EPB41L2: variants seen among roughly 807,000 people sequenced by gnomAD.
EPB41L2 encodes erythrocyte membrane protein band 4.1 like 2.
EPB41L2 carries 43 observed loss-of-function variants against 113.0 expected under a neutral mutation model. That is an observed-to-expected ratio of 0.38 (90% CI 0.30 to 0.49). The LOEUF (loss-of-function observed/expected upper bound fraction) is 0.49. Ranked by LOEUF, EPB41L2 falls within the 20% of genes least tolerant of loss-of-function variation. The pLI, the probability that EPB41L2 is intolerant of heterozygous loss-of-function variation, is 0.95. For synonymous variants in EPB41L2, 442 were observed against 436.7 expected, an observed-to-expected ratio of 1.01 and a Z score of -0.15; for missense variants, 1,147 against 1,223.4, an observed-to-expected ratio of 0.94 and a Z score of 0.93.
At chr6:131,004,575 G>C (rs927527420) in intron 1 of EPB41L2, among the ~76,000 whole-genome samples, 2 of 152,130 alleles carry the variant, frequency 1.3e-5, no homozygotes, top group East Asian at 3.8e-4. Flanking sequence ...AAGGAGTTCC[G>C]ACTAGCACAC....
At chr6:130,889,279 C>T (rs190366477) in intron 11 of EPB41L2, among the ~76,000 whole-genome samples, 1 of 152,012 alleles carries the variant, frequency 6.6e-6, no homozygotes, top group Admixed American at 6.5e-5. Context: ...AATATTCCTT[C>T]ACAAGGCATT....
chr6:130,966,708 G>A (rs1394635555), intron 1 of EPB41L2, among the ~76,000 whole-genome samples: 2 of 152,090 alleles, frequency 1.3e-5, no homozygotes, highest in African/African-American at 2.4e-5. Flanking sequence ...ACTTTACTAG[G>A]AGAACAATAT....
intron 1 of EPB41L2, among the ~76,000 whole-genome samples, chr6:130,981,723 A>T (rs944403449): frequency 5.3e-5 from 8 of 152,102 alleles, no homozygotes; most frequent in African/African-American, 1.9e-4. Context: ...TTCCCTACAA[A>T]CTGTTTAGTG....
chr6:130,880,640 C>T, intron 12 of EPB41L2: 1 of 462,320 alleles, frequency 2.2e-6, no homozygotes, highest in Non-Finnish European at 3.8e-6. Flanking sequence ...AATATTAAGC[C>T]TCTTTGGTCT....
intron 11 of EPB41L2, among the ~76,000 whole-genome samples, chr6:130,888,956 T>G (rs1791914594): frequency 6.6e-6 from 1 of 152,138 alleles, no homozygotes; most frequent in Non-Finnish European, 1.5e-5. Context: ...GTTTTCCAAG[T>G]TTTTCTTCTA....
In EPB41L2 at chr6:130,931,298, C is replaced by T. The variant is rs549857805; in HGVS notation, c.706-4589G>A. 4.8e-4 allele frequency among the ~76,000 whole-genome samples: 73 copies of T among 151,980 alleles called. No homozygotes were observed. In the South Asian group the frequency reaches 6.4e-3, roughly 13 times the overall value. On this transcript the variant is annotated intron_variant, in intron 3 of 19. Transcript: ENST00000337057. ...TCAACATATAAAAGGTTCTAACACG[C>T]ATTATTTTTTTAAATAGCTATAATA... is the stretch of plus-strand genomic sequence containing the variant.
At chr6:130,902,069 A>G (rs981809217) in intron 6 of EPB41L2, among the ~76,000 whole-genome samples, 1 of 152,178 alleles carries the variant, frequency 6.6e-6, no homozygotes, top group Non-Finnish European at 1.5e-5. Context: ...TCTTGGTAAC[A>G]TTTTAAAATG....
rs1775068561 is a variant in EPB41L2 at position 130,840,282 on chromosome 6, C to A, written c.*322G>T. On this transcript the variant is annotated 3_prime_UTR_variant, in exon 20 of 20. Coordinates refer to ENST00000337057, the MANE Select transcript of EPB41L2 (RefSeq NM_001431.4). ...TCACTGTCATTTGATCAAAGTGAGT[C>A]ATTAAAAGCAGGTAGTTGCACACAA... 6.6e-6 allele frequency: 1 copy of A among 152,496 alleles called. No individual in the cohort carries two copies. Among genetic ancestry groups the A allele is most frequent in the African/African-American group, 2.4e-5 (1 of 41,404 alleles). The allele number at this position is 152,496 out of a possible 1,614,324, so 9.4% of individuals were successfully genotyped here. A position where few individuals can be genotyped will look rare whatever the true frequency, so the allele number is the denominator to read the frequency against.
In EPB41L2 at chr6:130,915,884, G is replaced by A. The variant is rs146664104; in HGVS notation, c.811-7021C>T. Among the ~76,000 whole-genome samples the A allele has an allele frequency of 3.9e-3, 592 of 152,262 alleles. 2 individuals carry two copies. The highest frequency in any genetic ancestry group is 0.013 in the African/African-American group (551 of 41,546). ...CTCCTCCTTGCCTTCTGCCATGATTGTGAGGCCTCCCCAGCCATGTGGAAT... is the reference window on the plus strand; with the variant it reads ...CTCCTCCTTGCCTTCTGCCATGATTATGAGGCCTCCCCAGCCATGTGGAAT... On this transcript the variant is annotated intron_variant, in intron 4 of 19. Coordinates refer to ENST00000337057, the MANE Select transcript of EPB41L2 (RefSeq NM_001431.4).
At chr6:130,889,875 C>A (rs781168779) in intron 11 of EPB41L2, among the ~76,000 whole-genome samples, 10 of 151,996 alleles carry the variant, frequency 6.6e-5, no homozygotes, top group Admixed American at 5.2e-4. Flanking sequence ...AGAAGTGTTG[C>A]GGATTTCTAA....
At chr6:131,027,173 A>T (rs4895904) in intron 1 of EPB41L2, among the ~76,000 whole-genome samples, 42,772 of 152,118 alleles carry the variant, frequency 0.28, 7,110 homozygotes, top group Non-Finnish European at 0.37. Context: ...CTAAATATTT[A>T]AAAAGTTAAA....
chr6:130,890,726 A>C (rs987411275), intron 10 of EPB41L2, among the ~76,000 whole-genome samples: 1 of 152,186 alleles, frequency 6.6e-6, no homozygotes, highest in Non-Finnish European at 1.5e-5. Flanking sequence ...AGCTGTTCTC[A>C]GTATATCAAA....
At chr6:130,891,147 A>G (rs1792694437) in intron 10 of EPB41L2, among the ~76,000 whole-genome samples, 1 of 152,246 alleles carries the variant, frequency 6.6e-6, no homozygotes, top group Non-Finnish European at 1.5e-5. Flanking sequence ...ATCTTAACAG[A>G]AACATAATCT....
chr6:130,952,259 G>A (rs953569505), intron 3 of EPB41L2, among the ~76,000 whole-genome samples: 1 of 151,700 alleles, frequency 6.6e-6, no homozygotes, highest in African/African-American at 2.4e-5. Context: ...GGAAACTGAA[G>A]AAGTAAAACT....
intron 19 of EPB41L2, among the ~76,000 whole-genome samples, chr6:130,856,763 C>A (rs17059698): frequency 0.047 from 7,129 of 152,274 alleles, 234 homozygotes; most frequent in East Asian, 0.12. Context: ...TGTGATAAGA[C>A]CTGCTTCTTA....
intron 1 of EPB41L2, among the ~76,000 whole-genome samples, chr6:130,989,140 C>A (rs1372293983): frequency 6.6e-6 from 1 of 152,106 alleles, no homozygotes; most frequent in Non-Finnish European, 1.5e-5. Context: ...AATATCAGAT[C>A]ATTCATTGAA....
chr6:130,995,219 C>A (rs150614601), intron 1 of EPB41L2, among the ~76,000 whole-genome samples: 1 of 152,102 alleles, frequency 6.6e-6, no homozygotes, highest in Non-Finnish European at 1.5e-5. Context: ...GCCTGTAGTC[C>A]CAGCTACTCG....
chr6:130,846,200 G>T (rs1171333845), intron 19 of EPB41L2, among the ~76,000 whole-genome samples: 2 of 152,122 alleles, frequency 1.3e-5, no homozygotes, highest in African/African-American at 4.8e-5. Flanking sequence ...CCCTTTTACT[G>T]TCTCCATCAT....
intron 1 of EPB41L2, among the ~76,000 whole-genome samples, chr6:130,972,304 G>A (rs1776996019): frequency 7.8e-6 from 1 of 127,826 alleles, no homozygotes; most frequent in African/African-American, 3.1e-5. Context: ...AGCCTGGGCA[G>A]CAGAATGAGA....
Sources: gnomAD v4.1 joint callset for allele counts (sites outside exome capture counted in the v4.1 genomes callset) on GRCh38, gnomAD v4.1.1 for gene constraint, MANE v1.5 for transcripts, NCBI Gene and HGNC (gene_info 2026-07-23, HGNC 2026-07-21) for gene names.